ATP9B: variants seen among roughly 807,000 people sequenced by gnomAD.
ATP9B encodes the protein ATPase phospholipid transporting 9B.
Under a neutral mutation model 146.1 loss-of-function variants are expected in ATP9B, and 110 were observed. That is an observed-to-expected ratio of 0.75 (90% confidence interval 0.65 to 0.88). ATP9B has a LOEUF of 0.88. Ranked by LOEUF, ATP9B falls within the 40% of genes least tolerant of loss-of-function variation. ATP9B has a pLI of 0.00. For missense variants in ATP9B, 1,499 were observed against 1,496.4 expected (o/e 1.00, Z -0.03); for synonymous variants, 604 against 569.7 (o/e 1.06, Z -0.86).
intron 15 of ATP9B, among the ~76,000 whole-genome samples, chr18:79,323,240 C>T (rs1285744251): frequency 1.3e-5 from 2 of 152,022 alleles, no homozygotes; most frequent in African/African-American, 2.4e-5. Flanking sequence ...CTCCGTTTAT[C>T]GTTGCTTCGT....
chr18:79,246,790 T>A (rs1436606867), intron 11 of ATP9B, among the ~76,000 whole-genome samples: 1 of 152,202 alleles, frequency 6.6e-6, no homozygotes, highest in Non-Finnish European at 1.5e-5. Flanking sequence ...CTGAGACAGA[T>A]GACTCTGAGA....
chr18:79,198,833 T>A (rs2095440138), intron 9 of ATP9B, among the ~76,000 whole-genome samples: 1 of 152,242 alleles, frequency 6.6e-6, no homozygotes, highest in African/African-American at 2.4e-5. Context: ...GGTGAGTGAA[T>A]GTGAAGGCCT....
chr18:79,096,683 T>A, intron 2 of ATP9B, 34 bp downstream of exon 2: 3 of 1,544,988 alleles, frequency 1.9e-6, no homozygotes, highest in Non-Finnish European at 1.8e-6. Flanking sequence ...TTTCCTTATA[T>A]GCTAAGGTTA....
At chr18:79,295,113 C>CATACACAGACACAG (rs2096538450) in intron 13 of ATP9B, among the ~76,000 whole-genome samples, 1 of 8,010 alleles carries the variant, frequency 1.2e-4, no homozygotes, top group Non-Finnish European at 1.5e-3. Flanking sequence ...CAGACACAGA[C>CATACACAGACACAG]ACACACACAC....
chr18:79,314,204 A>G (rs904151586), intron 15 of ATP9B, among the ~76,000 whole-genome samples: 2 of 152,194 alleles, frequency 1.3e-5, no homozygotes, highest in African/African-American at 4.8e-5. Context: ...AGACTTAACT[A>G]GTTTCATCCA....
At chr18:79,252,019 C>T (rs1218516417) in intron 11 of ATP9B, among the ~76,000 whole-genome samples, 1 of 152,232 alleles carries the variant, frequency 6.6e-6, no homozygotes, top group African/African-American at 2.4e-5. Flanking sequence ...GCAGTGGCCT[C>T]TCACCCTGGC....
chr18:79,289,870 A>G (rs962384570), intron 13 of ATP9B, among the ~76,000 whole-genome samples: 6 of 152,168 alleles, frequency 3.9e-5, no homozygotes, highest in Admixed American at 3.9e-4. Flanking sequence ...AGCTTGCTGG[A>G]GGTCCACTCC....
intron 8 of ATP9B, among the ~76,000 whole-genome samples, chr18:79,187,309 T>C (rs928128102): frequency 6.6e-6 from 1 of 152,192 alleles, no homozygotes; most frequent in Non-Finnish European, 1.5e-5. Flanking sequence ...CAAAGGGTGA[T>C]AGGGCAACTT....
chr18:79,121,463 A>T (rs185582948), intron 4 of ATP9B, among the ~76,000 whole-genome samples: 1 of 152,200 alleles, frequency 6.6e-6, no homozygotes, highest in Non-Finnish European at 1.5e-5. Flanking sequence ...GTGCTCCTAC[A>T]GTAAGACTTG....
chr18:79,073,559 G>A (rs900733177), intron 1 of ATP9B, among the ~76,000 whole-genome samples: 1 of 152,222 alleles, frequency 6.6e-6, no homozygotes, highest in Non-Finnish European at 1.5e-5. Context: ...GGAGGTTGCA[G>A]TGAGCCAAGA....
At chr18:79,249,259 A>T (rs1488552368) in intron 11 of ATP9B, among the ~76,000 whole-genome samples, 1 of 152,202 alleles carries the variant, frequency 6.6e-6, no homozygotes, top group Non-Finnish European at 1.5e-5. Context: ...TTTAGATTAT[A>T]CAGGCAATTA....
chr18:79,072,442 A>G (rs2071971657), intron 1 of ATP9B, among the ~76,000 whole-genome samples: 1 of 152,332 alleles, frequency 6.6e-6, no homozygotes, highest in South Asian at 2.1e-4. Flanking sequence ...GACACAGCAC[A>G]TGTTTCAGAG....
At chr18:79,295,918 G>A (rs191939427) in intron 13 of ATP9B, among the ~76,000 whole-genome samples, 5 of 152,300 alleles carry the variant, frequency 3.3e-5, no homozygotes, top group Admixed American at 1.3e-4. Context: ...TTTCCCAGCC[G>A]CCAGAGCTAT....
chr18:79,188,731 CT>C (rs2095332721), intron 8 of ATP9B, among the ~76,000 whole-genome samples: 1 of 152,026 alleles, frequency 6.6e-6, no homozygotes, highest in Admixed American at 6.5e-5. Context: ...TGAGTAGTTT[CT>C]TCTCTCTTTT....
intron 13 of ATP9B, 196 bp downstream of exon 13, chr18:79,277,392 A>G: frequency 2.0e-6 from 1 of 511,044 alleles, no homozygotes; most frequent in Non-Finnish European, 3.3e-6. Flanking sequence ...TAGTATACAC[A>G]GTATCATAAG....
chr18:79,234,405 T>C (rs1440899156), intron 11 of ATP9B, among the ~76,000 whole-genome samples: 1 of 152,246 alleles, frequency 6.6e-6, no homozygotes, highest in Non-Finnish European at 1.5e-5. Flanking sequence ...TGCACACACA[T>C]TTACACCCGT....
intron 9 of ATP9B, among the ~76,000 whole-genome samples, chr18:79,197,857 T>C (rs2095430932): frequency 6.6e-6 from 1 of 152,292 alleles, no homozygotes; most frequent in East Asian, 1.9e-4. Flanking sequence ...ACCCCCGAAT[T>C]CATAGAACTA....
chr18:79,269,516 G>A (rs770528173), intron 12 of ATP9B, among the ~76,000 whole-genome samples: 31 of 151,880 alleles, frequency 2.0e-4, no homozygotes, highest in Admixed American at 4.6e-4. Flanking sequence ...TTATGTATCC[G>A]TTTGTTTTAT....
intron 27 of ATP9B, 50 bp downstream of exon 27, chr18:79,372,932 CT>C: frequency 1.5e-6 from 2 of 1,363,792 alleles, no homozygotes; most frequent in Non-Finnish European, 2.1e-6. Flanking sequence ...TTATTTTGGT[CT>C]TTTTGTTAGC....
Sources: allele counts gnomAD v4.1 joint callset (sites outside exome capture counted in the v4.1 genomes callset), GRCh38; gene constraint gnomAD v4.1.1; transcripts MANE v1.5; gene names NCBI Gene and HGNC (gene_info 2026-07-23, HGNC 2026-07-21).